LUZP1: variants seen among roughly 807,000 people sequenced by gnomAD.
The protein encoded by LUZP1 is leucine zipper protein 1, also known as filamin mechanobinding actin cross-linking protein.
Under a neutral mutation model 71.3 loss-of-function variants are expected in LUZP1, and 25 were observed. That is an observed-to-expected ratio of 0.35 (90% CI 0.26 to 0.49). The LOEUF (loss-of-function observed/expected upper bound fraction) is 0.49. Among genes scored for constraint, LUZP1 ranks in the 20% least tolerant of loss-of-function variants. The probability of loss-of-function intolerance (pLI) is 0.99; values close to 1 mark genes in which losing one functional copy is unlikely to be tolerated. For missense variants in LUZP1, 1,142 were observed against 1,300.8 expected, an observed-to-expected ratio of 0.88 and a Z score of 1.88; for synonymous variants, 481 against 506.4, an observed-to-expected ratio of 0.95 and a Z score of 0.67.
intron 4 of LUZP1, chr1:23,090,807 C>T (rs1643840654): frequency 1.4e-6 from 1 of 712,778 alleles, no homozygotes; most frequent in Non-Finnish European, 2.6e-6. Context: ...CACCGGGCCT[C>T]CTCCTGTTGC....
At chr1:23,129,897 A>G (rs1644200562) in intron 2 of LUZP1, among the ~76,000 whole-genome samples, 1 of 152,224 alleles carries the variant, frequency 6.6e-6, no homozygotes. Context: ...ATGTGCACTT[A>G]GCAGACAATA....
chr1:23,139,745 C>T (rs566586359), intron 2 of LUZP1, among the ~76,000 whole-genome samples: 10 of 152,124 alleles, frequency 6.6e-5, no homozygotes, highest in African/African-American at 2.2e-4. Context: ...GCCAGGAGTT[C>T]GAGACCAGCC....
chr1:23,097,188 T>C (rs1211384833), intron 3 of LUZP1, among the ~76,000 whole-genome samples: 1 of 152,140 alleles, frequency 6.6e-6, no homozygotes, highest in Admixed American at 6.5e-5. Flanking sequence ...TACTATCTCC[T>C]TAAAGGTCCT....
rs564007164 is a variant in LUZP1, at chr1:23,103,501, G to T, written c.-120+5521C>A. Among the ~76,000 whole-genome samples, 3 of 152,078 alleles carry T rather than the reference G, an allele frequency of 2.0e-5. No homozygotes were observed. In the East Asian group the frequency reaches 5.8e-4, roughly 30 times the overall value. On this transcript the variant is annotated intron_variant, in intron 3 of 4. Transcript: ENST00000302291. ...GTCCAACCTCCCACTCAATGCGGAC[G>T]TTATCTAGCAAGTAGTTACTCAGCT...
At chr1:23,107,233 C>T (rs1374751785) in intron 3 of LUZP1, among the ~76,000 whole-genome samples, 1 of 152,180 alleles carries the variant, frequency 6.6e-6, no homozygotes, top group Non-Finnish European at 1.5e-5. Flanking sequence ...AATCCCTCAG[C>T]TCCCCACCAC....
chr1:23,144,187 A>C (rs1237986052), intron 2 of LUZP1, among the ~76,000 whole-genome samples: 2 of 152,224 alleles, frequency 1.3e-5, no homozygotes, highest in Non-Finnish European at 2.9e-5. Context: ...TCTTCTTTTC[A>C]GGTTTTTCCA....
chr1:23,147,014 G>A (rs979415731), intron 2 of LUZP1, among the ~76,000 whole-genome samples: 5 of 150,200 alleles, frequency 3.3e-5, no homozygotes, highest in African/African-American at 9.8e-5. Flanking sequence ...GGAGAATGGC[G>A]TGAGCCCGGG....
At chr1:23,162,508 G>A (rs954473207) in intron 2 of LUZP1, among the ~76,000 whole-genome samples, 1 of 150,166 alleles carries the variant, frequency 6.7e-6, no homozygotes, top group Non-Finnish European at 1.5e-5. Context: ...GCGTGATCTC[G>A]GCTCACTGCA....
intron 1 of LUZP1, among the ~76,000 whole-genome samples, chr1:23,173,355 T>C (rs1340026737): frequency 2.9e-4 from 38 of 131,870 alleles, no homozygotes; most frequent in Non-Finnish European, 5.1e-4. Flanking sequence ...TTTTTCTTTT[T>C]TTTTTTTTTT....
intron 1 of LUZP1, among the ~76,000 whole-genome samples, chr1:23,177,074 G>T (rs930244553): frequency 6.1e-5 from 3 of 49,434 alleles, no homozygotes; most frequent in African/African-American, 1.2e-4. Context: ...TAAGGATGAT[G>T]GGGGGGGGGT....
At chr1:23,136,690 C>T (rs1051187062) in intron 2 of LUZP1, among the ~76,000 whole-genome samples, 1 of 152,122 alleles carries the variant, frequency 6.6e-6, no homozygotes. Context: ...GGGTGGATCA[C>T]GAGATCAGGA....
At chr1:23,154,620 G>A (rs1644408208) in intron 2 of LUZP1, among the ~76,000 whole-genome samples, 1 of 151,790 alleles carries the variant, frequency 6.6e-6, no homozygotes, top group Admixed American at 6.6e-5. Flanking sequence ...TCGGCTCACT[G>A]CAAGCTCTGC....
intron 2 of LUZP1, among the ~76,000 whole-genome samples, chr1:23,119,211 AAC>A (rs1251287171): frequency 1.3e-5 from 2 of 151,346 alleles, no homozygotes; most frequent in Non-Finnish European, 2.9e-5. Flanking sequence ...GTGTGAAATA[AAC>A]AGTCAACATT....
At chr1:23,144,755 C>CCA (rs1449398110) in intron 2 of LUZP1, among the ~76,000 whole-genome samples, 1 of 152,202 alleles carries the variant, frequency 6.6e-6, no homozygotes, top group Non-Finnish European at 1.5e-5. Flanking sequence ...ATTCCAAATA[C>CCA]CACAGGTTAG....
Position 23,094,947 on chromosome 1 carries a change from C to A in LUZP1, c.-119-567G>T, listed in dbSNP as rs1347469961. Among the ~76,000 whole-genome samples, 1 of 152,094 alleles carries A rather than the reference C, an allele frequency of 6.6e-6. No homozygotes were observed. The highest frequency in any genetic ancestry group is 2.4e-5 in the African/African-American group (1 of 41,408). On this transcript the variant is annotated intron_variant, in intron 3 of 4. Transcript: ENST00000302291. The surrounding 1 kb of genome is among the most constrained non-coding windows in gnomAD (Gnocchi z 4.7). The stretch of plus-strand genomic sequence containing the variant: ...GCTTCACAATATACTAAAACAATCT[C>A]TCTACACCCATTTTCAACATCTCTT...
intron 2 of LUZP1, 132 bp downstream of exon 1, chr1:23,168,634 T>C (rs970323521): frequency 5.6e-5 from 8 of 143,204 alleles, no homozygotes; most frequent in Non-Finnish European, 1.2e-4. Flanking sequence ...CCATCTCTCC[T>C]CGGCTGCGCC....
intron 2 of LUZP1, among the ~76,000 whole-genome samples, chr1:23,110,635 T>TACACACACACACACACACACACAC (rs1553137224): frequency 4.8e-5 from 2 of 41,848 alleles, no homozygotes; most frequent in African/African-American, 1.3e-4. Context: ...CGCGCACACA[T>TACACACACACACACACACACACAC]ACACACACAC....
At chr1:23,159,353 T>G (rs561337581) in intron 2 of LUZP1, among the ~76,000 whole-genome samples, 1 of 151,856 alleles carries the variant, frequency 6.6e-6, no homozygotes, top group African/African-American at 2.4e-5. Flanking sequence ...AAAAAAAAAT[T>G]TGATTACTGC....
chr1:23,092,617 C>T (rs1319676228), exon 4 of LUZP1: 10 of 1,614,204 alleles, frequency 6.2e-6, no homozygotes, highest in Middle Eastern at 1.6e-4. Flanking sequence ...ACTTGACTTC[C>T]GTTGCCAAGC....
Sources: gnomAD v4.1 joint callset for allele counts (sites outside exome capture counted in the v4.1 genomes callset) on GRCh38, gnomAD v4.1.1 for gene constraint, Gnocchi (gnomAD v3.1) non-coding constraint, MANE v1.5 for transcripts, NCBI Gene and HGNC (gene_info 2026-07-23, HGNC 2026-07-21) for gene names.